Variants in FSTL5 observed in about 807,000 individuals in gnomAD.
FSTL5 encodes the protein follistatin like 5, also known as follistatin-related protein 5.
A neutral mutation model predicts 89.1 loss-of-function variants in FSTL5; 62 were observed. The observed-to-expected ratio is 0.70, with a 90% CI of 0.57 to 0.86. FSTL5 has a LOEUF of 0.86. Ranked by LOEUF, FSTL5 falls within the 40% of genes least tolerant of loss-of-function variation. The pLI is 0.00. For missense variants in FSTL5, 1,057 were observed against 1,001.6 expected, an observed-to-expected ratio of 1.06 and a Z score of -0.75; for synonymous variants, 383 against 346.2, an observed-to-expected ratio of 1.11 and a Z score of -1.18.
At chr4:161,975,601 G>T (rs1266957160) in intron 3 of FSTL5, among the ~76,000 whole-genome samples, 6 of 150,748 alleles carry the variant, frequency 4.0e-5, no homozygotes, top group South Asian at 2.1e-4. Context: ...TGGGGACTGT[G>T]GTGGGGTGGG....
At chr4:161,762,100 G>A (rs1740829982) in intron 5 of FSTL5, among the ~76,000 whole-genome samples, 1 of 152,084 alleles carries the variant, frequency 6.6e-6, no homozygotes. Context: ...TGTGTTTACA[G>A]GACATTTCAA....
intron 10 of FSTL5, among the ~76,000 whole-genome samples, chr4:161,525,684 C>T (rs912120228): frequency 2.0e-5 from 3 of 152,104 alleles, no homozygotes; most frequent in African/African-American, 7.2e-5. Flanking sequence ...TGCTGGCTCT[C>T]AAGGCATAGG....
chr4:161,613,516 T>C (rs1195544272), intron 7 of FSTL5, among the ~76,000 whole-genome samples: 1 of 151,152 alleles, frequency 6.6e-6, no homozygotes, highest in Non-Finnish European at 1.5e-5. Flanking sequence ...AGGTTGATGA[T>C]GGTTAGAGAA....
At chr4:161,421,297 C>T (rs575617970) in intron 15 of FSTL5, among the ~76,000 whole-genome samples, 24 of 150,564 alleles carry the variant, frequency 1.6e-4, no homozygotes, top group Admixed American at 8.0e-4. Flanking sequence ...GCCAAGATCG[C>T]GCCACTGCAC....
chr4:161,681,772 T>G (rs188406078), intron 6 of FSTL5, among the ~76,000 whole-genome samples: 15 of 152,302 alleles, frequency 9.8e-5, no homozygotes, highest in African/African-American at 2.6e-4. Flanking sequence ...AAAGGTTAAA[T>G]TTTAGAATAT....
intron 7 of FSTL5, among the ~76,000 whole-genome samples, chr4:161,617,225 A>G (rs779156207): frequency 6.6e-6 from 1 of 152,072 alleles, no homozygotes; most frequent in Non-Finnish European, 1.5e-5. Context: ...TTAAAAGTCA[A>G]TTAGGGAACT....
intron 2 of FSTL5, among the ~76,000 whole-genome samples, chr4:162,085,343 C>T (rs1250775087): frequency 6.6e-6 from 1 of 151,708 alleles, no homozygotes; most frequent in Admixed American, 6.6e-5. Flanking sequence ...ATTCAATTAC[C>T]CAACAAATAT....
chr4:162,143,013 T>C (rs1732808265), intron 1 of FSTL5, among the ~76,000 whole-genome samples: 1 of 152,178 alleles, frequency 6.6e-6, no homozygotes, highest in Non-Finnish European at 1.5e-5. Flanking sequence ...ACTACTTCGT[T>C]CTTGGGATAT....
At chr4:161,460,793 T>C (rs1414890350) in intron 13 of FSTL5, among the ~76,000 whole-genome samples, 1 of 152,098 alleles carries the variant, frequency 6.6e-6, no homozygotes, top group Non-Finnish European at 1.5e-5. Flanking sequence ...GTCACTATAC[T>C]GTTTTGGGAT....
At chr4:161,395,314 A>AAATT (rs1730959112) in intron 15 of FSTL5, among the ~76,000 whole-genome samples, 1 of 152,102 alleles carries the variant, frequency 6.6e-6, no homozygotes, top group Admixed American at 6.5e-5. Flanking sequence ...AAATAATATA[A>AAATT]AATTAATACA....
At chr4:162,093,269 A>T (rs1730620554) in intron 2 of FSTL5, among the ~76,000 whole-genome samples, 2 of 152,142 alleles carry the variant, frequency 1.3e-5, no homozygotes, top group African/African-American at 4.8e-5. Context: ...TTATTTCTTA[A>T]ATGTTATACT....
intron 8 of FSTL5, among the ~76,000 whole-genome samples, chr4:161,561,366 A>G (rs1732595251): frequency 6.6e-6 from 1 of 152,048 alleles, no homozygotes; most frequent in African/African-American, 2.4e-5. Context: ...ACTGGCAGTC[A>G]AAATGGGAAG....
rs527899481 is a variant in FSTL5 at position 161,923,978 on chromosome 4, C to T, written c.161-3326G>A. 2.9e-4 allele frequency among the ~76,000 whole-genome samples: 44 copies of T among 151,868 alleles called. 1 individual carries two copies. The East Asian group carries it at 8.1e-3, about 28-fold the overall frequency. ...TGTAAATGAATAGCTAGAACATACC[C>T]TTTCTGACAGTAATTATCCATGACT... On this transcript the variant is annotated intron_variant, in intron 3 of 15. Coordinates refer to ENST00000306100, the MANE Select transcript of FSTL5 (RefSeq NM_020116.5).
chr4:161,434,505 G>A (rs1732487840), intron 15 of FSTL5, among the ~76,000 whole-genome samples: 1 of 151,780 alleles, frequency 6.6e-6, no homozygotes. Flanking sequence ...GACTAGGCAA[G>A]TTGGACTAGG....
intron 15 of FSTL5, among the ~76,000 whole-genome samples, chr4:161,441,119 A>T (rs1364090363): frequency 1.3e-5 from 2 of 152,106 alleles, no homozygotes; most frequent in Admixed American, 1.3e-4. Flanking sequence ...TTCTGGTAAG[A>T]TATAAGGCAG....
intron 6 of FSTL5, among the ~76,000 whole-genome samples, chr4:161,658,487 G>T (rs1736597119): frequency 6.6e-6 from 1 of 151,744 alleles, no homozygotes; most frequent in Admixed American, 6.6e-5. Context: ...AATATTTTCG[G>T]TCTGTTTTAG....
At chr4:162,098,240 T>C (rs1224862039) in intron 2 of FSTL5, among the ~76,000 whole-genome samples, 2 of 151,868 alleles carry the variant, frequency 1.3e-5, no homozygotes, top group African/African-American at 4.8e-5. Flanking sequence ...TATGATCCCA[T>C]TTACATCAAA....
At chr4:161,615,002 T>G (rs1315221838) in intron 7 of FSTL5, among the ~76,000 whole-genome samples, 1 of 151,778 alleles carries the variant, frequency 6.6e-6, no homozygotes, top group East Asian at 1.9e-4. Flanking sequence ...TGTAAAGAAA[T>G]AAAAGCCTTT....
intron 12 of FSTL5, among the ~76,000 whole-genome samples, chr4:161,483,819 G>T (rs985125103): frequency 2.0e-5 from 3 of 152,028 alleles, no homozygotes; most frequent in East Asian, 3.9e-4. Context: ...AGCTGCCAGG[G>T]ATTATATCAA....
Sources: gnomAD v4.1 joint callset for allele counts (sites outside exome capture counted in the v4.1 genomes callset) on GRCh38, gnomAD v4.1.1 for gene constraint, MANE v1.5 for transcripts, NCBI Gene and HGNC (gene_info 2026-07-23, HGNC 2026-07-21) for gene names.